Variants in CHRM3 observed in about 807,000 individuals in gnomAD.
CHRM3 encodes muscarinic acetylcholine receptor M3.
Under a neutral mutation model 41.8 loss-of-function variants are expected in CHRM3, and 11 were observed. The ratio of observed to expected loss-of-function variants is 0.26; its 90% CI spans 0.17 to 0.44. CHRM3 has a LOEUF of 0.44. CHRM3 is among the 20% of genes least tolerant of loss of function. The pLI, the probability that CHRM3 is intolerant of heterozygous loss-of-function variation, is 1.00. For missense variants in CHRM3, 571 were observed against 745.4 expected (o/e 0.77, Z 2.72); for synonymous variants, 297 against 301.4 (o/e 0.99, Z 0.15).
At chr1:239,559,088 T>C (rs975265772) in intron 3 of CHRM3, among the ~76,000 whole-genome samples, 1 of 152,158 alleles carries the variant, frequency 6.6e-6, no homozygotes. Context: ...GCTAGACTTG[T>C]AATAAGTATA....
At chr1:239,713,150 A>G (rs867499600) in intron 5 of CHRM3, among the ~76,000 whole-genome samples, 28 of 152,170 alleles carry the variant, frequency 1.8e-4, no homozygotes, top group South Asian at 6.2e-4. Context: ...CATAAAGTAC[A>G]TTAAGTACAT....
intron 4 of CHRM3, among the ~76,000 whole-genome samples, chr1:239,651,985 G>GTTT (rs56096731): frequency 7.1e-6 from 1 of 140,232 alleles, no homozygotes. Flanking sequence ...GCCAGTTTTT[G>GTTT]TTTTTTTTTT....
At chr1:239,614,443 C>T (rs75436543) in intron 3 of CHRM3, among the ~76,000 whole-genome samples, 1,889 of 152,160 alleles carry the variant, frequency 0.012, 20 homozygotes, top group Non-Finnish European at 0.018. Flanking sequence ...TCAGTTACAT[C>T]GTATTACCAA....
At chr1:239,506,268 C>A (rs1668563823) in intron 2 of CHRM3, among the ~76,000 whole-genome samples, 1 of 152,044 alleles carries the variant, frequency 6.6e-6, no homozygotes, top group Non-Finnish European at 1.5e-5. Flanking sequence ...TTACAGCAGG[C>A]CCTCCCATCA....
intron 5 of CHRM3, among the ~76,000 whole-genome samples, chr1:239,752,639 TTTTG>T (rs1420916358): frequency 3.3e-5 from 5 of 152,224 alleles, no homozygotes; most frequent in Non-Finnish European, 7.3e-5. Context: ...TGGATTTACC[TTTTG>T]TTTTTCATTT....
intron 5 of CHRM3, among the ~76,000 whole-genome samples, chr1:239,766,562 C>G (rs1437389110): frequency 6.6e-6 from 1 of 152,074 alleles, no homozygotes; most frequent in African/African-American, 2.4e-5. Context: ...TAGATGTTAT[C>G]TGGCCATTCA....
At chr1:239,529,625 AAAAAAAC>A (rs1670238054) in intron 2 of CHRM3, among the ~76,000 whole-genome samples, 1 of 106,230 alleles carries the variant, frequency 9.4e-6, no homozygotes, top group African/African-American at 3.3e-5. Context: ...AAAAAAAAAA[AAAAAAAC>A]AAACAAACAA....
At chr1:239,840,295 C>T (rs1010182026) in intron 6 of CHRM3, among the ~76,000 whole-genome samples, 1 of 152,098 alleles carries the variant, frequency 6.6e-6, no homozygotes, top group Non-Finnish European at 1.5e-5. Context: ...TAAATTAGAG[C>T]GTTAACCCCA....
intron 5 of CHRM3, among the ~76,000 whole-genome samples, chr1:239,795,650 A>G (rs991154360): frequency 6.6e-6 from 1 of 152,206 alleles, no homozygotes; most frequent in Non-Finnish European, 1.5e-5. Context: ...CCATCTTCCT[A>G]TAAAGAACTT....
At chr1:239,619,063 T>C (rs1001938848) in intron 3 of CHRM3, among the ~76,000 whole-genome samples, 3 of 151,156 alleles carry the variant, frequency 2.0e-5, no homozygotes, top group Non-Finnish European at 1.5e-5. Flanking sequence ...TACAGGCGCC[T>C]GCCACCATGC....
intron 5 of CHRM3, among the ~76,000 whole-genome samples, chr1:239,722,688 C>G (rs1388907570): frequency 2.0e-5 from 3 of 151,862 alleles, no homozygotes; most frequent in Non-Finnish European, 4.4e-5. Flanking sequence ...ACAAATAATG[C>G]ATTTCATTTA....
chr1:239,466,748 GCCA>G (rs1665758319), intron 1 of CHRM3, among the ~76,000 whole-genome samples: 1 of 152,046 alleles, frequency 6.6e-6, no homozygotes, highest in Non-Finnish European at 1.5e-5. Context: ...ACAGGCATGA[GCCA>G]CCGTATCTAG....
At chr1:239,777,015 T>C (rs1215454759) in intron 5 of CHRM3, among the ~76,000 whole-genome samples, 1 of 152,104 alleles carries the variant, frequency 6.6e-6, no homozygotes, top group Non-Finnish European at 1.5e-5. Context: ...CAAGATGAGA[T>C]TTGGGTGGGG....
At chr1:239,741,999 G>A (rs1056230316) in intron 5 of CHRM3, among the ~76,000 whole-genome samples, 2 of 152,068 alleles carry the variant, frequency 1.3e-5, no homozygotes, top group African/African-American at 4.8e-5. Context: ...TCCCGTTACT[G>A]TCCTCTCAGT....
chr1:239,632,711 TAAACAG>T (rs1669983218), intron 4 of CHRM3, among the ~76,000 whole-genome samples: 1 of 152,198 alleles, frequency 6.6e-6, no homozygotes, highest in African/African-American at 2.4e-5. Context: ...ATTGTGAACA[TAAACAG>T]AAACATTGTG....
intron 1 of CHRM3, among the ~76,000 whole-genome samples, chr1:239,468,000 T>C (rs1168317781): frequency 1.3e-5 from 2 of 152,090 alleles, no homozygotes; most frequent in Non-Finnish European, 2.9e-5. Context: ...CTAAAACAGA[T>C]GGAAATATGC....
intron 3 of CHRM3, among the ~76,000 whole-genome samples, chr1:239,599,376 G>T (rs1168754615): frequency 1.3e-5 from 2 of 150,078 alleles, no homozygotes; most frequent in Non-Finnish European, 3.0e-5. Flanking sequence ...TCTATTCTTG[G>T]ATCCTCAAAT....
chr1:239,674,387 T>C (rs796824158), intron 4 of CHRM3, among the ~76,000 whole-genome samples: 8 of 152,198 alleles, frequency 5.3e-5, no homozygotes, highest in African/African-American at 1.9e-4. Flanking sequence ...ACATTGTACT[T>C]ACCATTTGAC....
intron 1 of CHRM3, among the ~76,000 whole-genome samples, chr1:239,389,332 T>A (rs890029402): frequency 1.3e-5 from 2 of 152,232 alleles, no homozygotes; most frequent in Non-Finnish European, 2.9e-5. Context: ...AAATCTATGA[T>A]GAATATTCAG....
Sources: allele counts gnomAD v4.1 joint callset (sites outside exome capture counted in the v4.1 genomes callset), GRCh38; gene constraint gnomAD v4.1.1; transcripts MANE v1.5; gene names NCBI Gene and HGNC (gene_info 2026-07-23, HGNC 2026-07-21).